MCTP1: variants seen among roughly 807,000 people sequenced by gnomAD.
MCTP1 encodes multiple C2 and transmembrane domain containing 1.
Under a neutral mutation model 120.6 loss-of-function variants are expected in MCTP1, and 69 were observed. The observed-to-expected ratio is 0.57, with a 90% CI of 0.47 to 0.70. MCTP1 has a LOEUF of 0.70. MCTP1 is among the 30% of genes least tolerant of loss of function. The pLI is 0.00. For synonymous variants in MCTP1, 529 were observed against 493.1 expected (o/e 1.07, Z -0.96); for missense variants, 1,203 against 1,248.8 (o/e 0.96, Z 0.55).
intron 19 of MCTP1, among the ~76,000 whole-genome samples, chr5:94,760,129 T>C (rs879457846): frequency 6.6e-6 from 1 of 152,158 alleles, no homozygotes; most frequent in African/African-American, 2.4e-5. Context: ...CCTGTAGTAT[T>C]AGATTTCCAC....
intron 1 of MCTP1, among the ~76,000 whole-genome samples, chr5:95,272,404 T>C (rs568749654): frequency 3.9e-5 from 6 of 152,274 alleles, no homozygotes; most frequent in African/African-American, 1.4e-4. Flanking sequence ...ACCTAAATAA[T>C]ATACCACCTG....
At chr5:94,904,484 A>G (rs1277987994) in intron 10 of MCTP1, among the ~76,000 whole-genome samples, 1 of 152,194 alleles carries the variant, frequency 6.6e-6, no homozygotes, top group Non-Finnish European at 1.5e-5. Context: ...GTAAAGTTTT[A>G]CAACCAGACA....
chr5:94,991,523 G>A (rs1831543253), intron 2 of MCTP1, among the ~76,000 whole-genome samples: 1 of 152,128 alleles, frequency 6.6e-6, no homozygotes, highest in South Asian at 2.1e-4. Context: ...TTATTTCAGT[G>A]ATCTCAGAGT....
intron 1 of MCTP1, among the ~76,000 whole-genome samples, chr5:95,200,573 T>C (rs746928675): frequency 5.9e-5 from 9 of 152,222 alleles, no homozygotes; most frequent in African/African-American, 1.4e-4. Context: ...TGGGGAATAT[T>C]GTATTAAGTG....
intron 1 of MCTP1, among the ~76,000 whole-genome samples, chr5:95,101,480 G>A (rs893120248): frequency 1.1e-4 from 16 of 152,102 alleles, no homozygotes; most frequent in South Asian, 4.1e-4. Context: ...ATTTACTTTC[G>A]GTAGTTGGTG....
intron 4 of MCTP1, among the ~76,000 whole-genome samples, 173 bp from the exon 5 acceptor site, chr5:94,940,368 G>A (rs544817602): frequency 6.6e-5 from 10 of 150,964 alleles, no homozygotes; most frequent in East Asian, 1.9e-4. Flanking sequence ...AATAAACTGC[G>A]TGTAGATCTG....
intron 17 of MCTP1, among the ~76,000 whole-genome samples, chr5:94,827,321 C>T (rs1398425457): frequency 2.0e-5 from 3 of 152,236 alleles, no homozygotes; most frequent in South Asian, 2.1e-4. Flanking sequence ...GCTTGTAGGG[C>T]TTCTGCAGAG....
At chr5:94,885,712 TTGC>T (rs1168878931) in intron 12 of MCTP1, among the ~76,000 whole-genome samples, 2 of 151,774 alleles carry the variant, frequency 1.3e-5, no homozygotes, top group Non-Finnish European at 2.9e-5. Context: ...TCTCTAGGTC[TTGC>T]TTTGATGGTG....
chr5:94,905,931 AC>A (rs1009282656), intron 10 of MCTP1, among the ~76,000 whole-genome samples: 2 of 152,132 alleles, frequency 1.3e-5, no homozygotes, highest in African/African-American at 4.8e-5. Context: ...ATGAGGAAAA[AC>A]CTGCAAAGGA....
intron 1 of MCTP1, among the ~76,000 whole-genome samples, chr5:95,236,706 A>G (rs371918942): frequency 1.3e-5 from 2 of 152,194 alleles, no homozygotes; most frequent in East Asian, 3.9e-4. Flanking sequence ...TGAGTTGTCT[A>G]CTATTTGTCT....
At chr5:95,017,855 T>G (rs1265325594) in intron 1 of MCTP1, among the ~76,000 whole-genome samples, 1 of 152,140 alleles carries the variant, frequency 6.6e-6, no homozygotes, top group Non-Finnish European at 1.5e-5. Context: ...CAAGAGCAGT[T>G]GAGTTCTACC....
chr5:94,831,558 T>C (rs1055520836), intron 17 of MCTP1, among the ~76,000 whole-genome samples: 25 of 152,212 alleles, frequency 1.6e-4, no homozygotes, highest in Non-Finnish European at 3.5e-4. Context: ...CACTGCAAAT[T>C]TTCTTCTTAC....
At chr5:94,839,683 T>A (rs990029840) in intron 17 of MCTP1, among the ~76,000 whole-genome samples, 1 of 152,180 alleles carries the variant, frequency 6.6e-6, no homozygotes, top group Admixed American at 6.5e-5. Context: ...CTATTGATGA[T>A]GAAGTATCTG....
chr5:94,976,742 T>C (rs189702281), intron 2 of MCTP1: 8 of 152,262 alleles, frequency 5.3e-5, no homozygotes, highest in Non-Finnish European at 1.0e-4. Context: ...TTGAGATTGT[T>C]ACCCCTCACT....
chr5:94,892,523 A>C (rs1330951000), intron 11 of MCTP1, among the ~76,000 whole-genome samples: 1 of 152,192 alleles, frequency 6.6e-6, no homozygotes, highest in Non-Finnish European at 1.5e-5. Context: ...AGAGGAAAAA[A>C]GAAAAATGGA....
intron 17 of MCTP1, among the ~76,000 whole-genome samples, chr5:94,822,568 T>C (rs1785927590): frequency 6.6e-6 from 1 of 152,236 alleles, no homozygotes; most frequent in Non-Finnish European, 1.5e-5. Context: ...CCTTAGGGTA[T>C]ATACCCAGTA....
rs1037629467 is a variant in MCTP1 at position 94,704,291 on chromosome 5, CAAG to C, written c.*3202_*3204del. The C allele has an allele frequency of 7.3e-5, 11 of 151,560 alleles. No homozygotes were observed. Among genetic ancestry groups the C allele is most frequent in the Admixed American group, 5.3e-4 (8 of 15,190 alleles). The allele number at this position is 151,560 out of a possible 1,614,324, so 9.4% of individuals were successfully genotyped here. The stretch of plus-strand genomic sequence containing the variant: ...ATTTAGCAATACCTGAGACGTTTTT[CAAG>C]AAGTATAATGGTAGCTGTCTTTACT... On this transcript the variant is annotated 3_prime_UTR_variant, in exon 23 of 23. Transcript: ENST00000515393.
At chr5:95,147,008 A>G (rs1200123758) in intron 1 of MCTP1, among the ~76,000 whole-genome samples, 1 of 152,134 alleles carries the variant, frequency 6.6e-6, no homozygotes, top group Non-Finnish European at 1.5e-5. Flanking sequence ...TGGCTGTCTG[A>G]GTCTTTTCAT....
intron 9 of MCTP1, among the ~76,000 whole-genome samples, chr5:94,909,857 A>T (rs745563764): frequency 6.6e-6 from 1 of 152,078 alleles, no homozygotes; most frequent in African/African-American, 2.4e-5. Context: ...ACAGACAATG[A>T]ATTTCTGTGA....
Sources: allele counts gnomAD v4.1 joint callset (sites outside exome capture counted in the v4.1 genomes callset), GRCh38; gene constraint gnomAD v4.1.1; transcripts MANE v1.5; gene names NCBI Gene and HGNC (gene_info 2026-07-23, HGNC 2026-07-21).